CCDC68: variants seen among roughly 807,000 people sequenced by gnomAD.
CCDC68 encodes coiled-coil domain containing 68, also known as coiled-coil domain-containing protein 68.
A neutral mutation model predicts 47.1 loss-of-function variants in CCDC68; 45 were observed. The ratio of observed to expected loss-of-function variants is 0.96; its 90% CI spans 0.75 to 1.23. The LOEUF (loss-of-function observed/expected upper bound fraction) is 1.23. Among genes scored for constraint, CCDC68 ranks in the 50% most tolerant of loss-of-function variants. The pLI, the probability that CCDC68 is intolerant of heterozygous loss-of-function variation, is 0.00. For missense variants in CCDC68, 353 were observed against 373.6 expected, an observed-to-expected ratio of 0.94 and a Z score of 0.45; for synonymous variants, 131 against 129.5, an observed-to-expected ratio of 1.01 and a Z score of -0.08.
intron 11 of CCDC68, among the ~76,000 whole-genome samples, chr18:54,907,017 G>A (rs1264562123): frequency 6.6e-6 from 1 of 152,208 alleles, no homozygotes; most frequent in African/African-American, 2.4e-5. Flanking sequence ...GAGACGTTTA[G>A]AAAATAAGAT....
chr18:54,958,072 T>G (rs936689589), intron 1 of CCDC68: 3 of 152,248 alleles, frequency 2.0e-5, no homozygotes, highest in African/African-American at 7.2e-5. Flanking sequence ...AAAGTCTCTT[T>G]CTAGTTAGGA....
At chr18:54,949,170 A>G (rs2044573790) in intron 1 of CCDC68, among the ~76,000 whole-genome samples, 1 of 151,868 alleles carries the variant, frequency 6.6e-6, no homozygotes, top group Non-Finnish European at 1.5e-5. Context: ...ATTTTTTTGT[A>G]TTTTTAGTAG....
chr18:54,918,108 A>G, intron 9 of CCDC68, 112 bp from the exon 10 acceptor site: 1 of 596,262 alleles, frequency 1.7e-6, no homozygotes, highest in Non-Finnish European at 2.9e-6. Flanking sequence ...CAAATTAAAA[A>G]AAAAATTAAA....
intron 1 of CCDC68, among the ~76,000 whole-genome samples, chr18:54,948,830 G>A (rs902979632): frequency 1.3e-5 from 2 of 152,238 alleles, no homozygotes; most frequent in African/African-American, 4.8e-5. Context: ...TGCTGTTCTA[G>A]ATGAGCAGTG....
At chr18:54,937,205 A>C (rs771695031) in intron 5 of CCDC68, 34 of 445,282 alleles carry the variant, frequency 7.6e-5, no homozygotes, top group Non-Finnish European at 1.1e-4. Flanking sequence ...CTCTGTGCAT[A>C]GTAACGTCCT....
chr18:54,927,471 A>T (rs1001984104), intron 8 of CCDC68, among the ~76,000 whole-genome samples: 1 of 152,182 alleles, frequency 6.6e-6, no homozygotes, highest in African/African-American at 2.4e-5. Flanking sequence ...GGAAAAAAAA[A>T]ATCAAGCTTG....
intron 8 of CCDC68, among the ~76,000 whole-genome samples, chr18:54,925,022 A>G (rs1218873578): frequency 6.6e-6 from 1 of 152,210 alleles, no homozygotes; most frequent in East Asian, 1.9e-4. Context: ...TTTTATGACC[A>G]TACCCTGGGC....
In CCDC68 at chr18:54,923,440, T is replaced by TAA. The variant is rs541934468; in HGVS notation, c.684-4066_684-4065dup. Among the ~76,000 whole-genome samples the TAA allele has an allele frequency of 1.9e-3, 251 of 130,302 alleles. 1 individual carries two copies. In the South Asian group the frequency reaches 0.026, roughly 14 times the overall value. 85.5% of individuals were successfully genotyped at this position (130,302 alleles called of 152,430 possible). On this transcript the variant is annotated intron_variant, in intron 8 of 11. Coordinates refer to ENST00000591504, the MANE Select transcript of CCDC68 (RefSeq NM_025214.3). ...GTATTACCATAGCGTTCACTGTAAGTAAAAAAAAAAAAAAAATTGAAATTG... is the reference window on the plus strand; with the variant it reads ...GTATTACCATAGCGTTCACTGTAAGTAAAAAAAAAAAAAAAAAATTGAAATTG...
At chr18:54,908,330 G>A (rs538494926) in intron 10 of CCDC68, among the ~76,000 whole-genome samples, 8 of 152,160 alleles carry the variant, frequency 5.3e-5, no homozygotes, top group Admixed American at 2.0e-4. Context: ...ATTTTCTTAT[G>A]AAACCTTAGT....
At position 54,948,955 on chromosome 18, in the gene CCDC68, G is replaced by A. The variant is rs528034658; in HGVS notation, c.-102-3478C>T. Among the ~76,000 whole-genome samples the A allele has an allele frequency of 3.9e-5, 6 of 152,320 alleles. No homozygotes were observed. The South Asian group carries it at 1.2e-3, about 32-fold the overall frequency. ...GAGTTCCAGGCAAATGGGAAAGCAAGAGCAGAGGCTGGCAGGTGCCTAGAG... is the reference window on the plus strand; with the variant it reads ...GAGTTCCAGGCAAATGGGAAAGCAAAAGCAGAGGCTGGCAGGTGCCTAGAG... On this transcript the variant is annotated intron_variant, in intron 1 of 11. Transcript: ENST00000591504.
chr18:54,948,236 T>C (rs1469498204), intron 1 of CCDC68, among the ~76,000 whole-genome samples: 1 of 152,112 alleles, frequency 6.6e-6, no homozygotes, highest in Non-Finnish European at 1.5e-5. Flanking sequence ...GGATCCCTAC[T>C]CCAATATGAC....
At position 54,931,492 on chromosome 18, in the gene CCDC68, T is replaced by C. The variant is rs148902810; in HGVS notation, c.601-2610A>G. Among the ~76,000 whole-genome samples, 34 of 152,276 alleles carry C rather than the reference T, an allele frequency of 2.2e-4. No homozygotes were observed. In the East Asian group the frequency reaches 6.6e-3, roughly 29 times the overall value. Reference sequence around the variant, plus strand: ...CCAAGTCTATCATTTTTGTCCAGCATTAGAGAAGACGGGGGCATAATGGAA... The same window carrying C: ...CCAAGTCTATCATTTTTGTCCAGCACTAGAGAAGACGGGGGCATAATGGAA... On this transcript the variant is annotated intron_variant, in intron 7 of 11. Transcript: ENST00000591504.
intron 4 of CCDC68, among the ~76,000 whole-genome samples, chr18:54,938,522 G>A (rs1048995164): frequency 1.0e-3 from 152 of 152,198 alleles, no homozygotes; most frequent in African/African-American, 3.6e-3. Context: ...ATGCTTCACT[G>A]TAATTACCTC....
chr18:54,903,238 A>C lies in CCDC68; in HGVS notation c.*1120T>G, dbSNP rs1057343367. On this transcript the variant is annotated 3_prime_UTR_variant, in exon 12 of 12. Coordinates refer to ENST00000591504, the MANE Select transcript of CCDC68 (RefSeq NM_025214.3). ...ATTTAAAGTTATACACTAGAGAGGAAGATCAAAGGCCTAAAGGAAATTCAT... is the reference window on the plus strand; with the variant it reads ...ATTTAAAGTTATACACTAGAGAGGACGATCAAAGGCCTAAAGGAAATTCAT... The C allele has an allele frequency of 3.9e-5, 6 of 152,282 alleles. No homozygotes were observed. Among genetic ancestry groups the C allele is most frequent in the Admixed American group, 6.5e-5 (1 of 15,304 alleles). The allele number at this position is 152,282 out of a possible 1,614,324, so 9.4% of individuals were successfully genotyped here.
chr18:54,937,974 C>A lies in CCDC68; in HGVS notation c.328G>T (p.Glu110Ter). The change falls in exon 5 of 12, where the codon GAA (glutamate) becomes TAA (stop). Residue 110 changes from glutamate (E) to a stop codon, truncating the protein, a stop_gained. Transcript: ENST00000591504. LOFTEE classifies it high-confidence loss of function. ...AGTCATACCTTGATTTTCAATACTT[C>A]ATTCTCTTTGTTCATTTCTAAGAGC... ...LQLLEMNKEN[E>*]VLKIKLQASR... 1 of 1,610,770 alleles carries A rather than the reference C, an allele frequency of 6.2e-7. No homozygotes were observed. Among genetic ancestry groups the A allele is most frequent in the Non-Finnish European group, 8.5e-7 (1 of 1,178,910 alleles).
intron 1 of CCDC68, among the ~76,000 whole-genome samples, chr18:54,958,328 C>T (rs112899394): frequency 1.3e-5 from 2 of 152,090 alleles, no homozygotes; most frequent in Admixed American, 1.3e-4. Flanking sequence ...ACAACAGCAC[C>T]AATTGTGTCT....
In CCDC68 at chr18:54,942,690, G is replaced by A. The variant is rs576593791; in HGVS notation, c.102C>T (p.Thr34=). 3.3e-4 allele frequency: 523 copies of A among 1,587,704 alleles called. No homozygotes were observed. Among genetic ancestry groups the A allele is most frequent in the Non-Finnish European group, 3.2e-4 (370 of 1,161,478 alleles). The change falls in exon 3 of 12, where the codon ACC becomes ACT. Residue 34 remains threonine, a synonymous_variant. Transcript: ENST00000591504. ...ESTSAHIIEE[T]EYVKKIRTTL... is the part of the protein sequence containing the mutation. ...ACCCACATACCTTTTTCACATACTC[G>A]GTTTCTTCAATAATGTGAGCGGACG...
At chr18:54,953,551 T>TATAG (rs374073773) in intron 1 of CCDC68, among the ~76,000 whole-genome samples, 1 of 150,504 alleles carries the variant, frequency 6.6e-6, no homozygotes, top group Non-Finnish European at 1.5e-5. Context: ...TATATATATA[T>TATAG]AGAGAGAGAG....
At position 54,915,930 on chromosome 18, in the gene CCDC68, A is replaced by AATATAT. The variant is rs141546930; in HGVS notation, c.873+1977_873+1982dup. Among the ~76,000 whole-genome samples, 12 of 150,298 alleles carry AATATAT rather than the reference A, an allele frequency of 8.0e-5. No individual in the cohort carries two copies. The East Asian group carries it at 1.2e-3, about 15-fold the overall frequency. On this transcript the variant is annotated intron_variant, in intron 10 of 11. Coordinates refer to ENST00000591504, the MANE Select transcript of CCDC68 (RefSeq NM_025214.3). Reference sequence around the variant, plus strand: ...GGCGACAGAGTGAGATCCTGTCTCAAATATATATATATATATGAAATACAT... The same window carrying AATATAT: ...GGCGACAGAGTGAGATCCTGTCTCAAATATATATATATATATATATATGAAATACAT...
Sources: gnomAD v4.1 joint callset for allele counts (sites outside exome capture counted in the v4.1 genomes callset) on GRCh38, gnomAD v4.1.1 for gene constraint, MANE v1.5 for transcripts, NCBI Gene and HGNC (gene_info 2026-07-23, HGNC 2026-07-21) for gene names.